SLC35A3: variants seen among roughly 807,000 people sequenced by gnomAD.
SLC35A3 encodes UDP-N-acetylglucosamine transporter.
A neutral mutation model predicts 39.0 loss-of-function variants in SLC35A3; 26 were observed. The observed-to-expected ratio is 0.67, with a 90% CI of 0.49 to 0.92. SLC35A3 has a LOEUF of 0.92. Among genes scored for constraint, SLC35A3 ranks in the 40% least tolerant of loss-of-function variants. The probability of loss-of-function intolerance (pLI) is 0.00; values close to 1 mark genes in which losing one functional copy is unlikely to be tolerated. For synonymous variants in SLC35A3, 135 were observed against 133.1 expected, an observed-to-expected ratio of 1.01 and a Z score of -0.10; for missense variants, 299 against 371.6, an observed-to-expected ratio of 0.80 and a Z score of 1.61.
In SLC35A3 at chr1:100,032,228, CAGG is replaced by C. The variant is rs980259471; in HGVS notation, c.*9755_*9757del. The C allele has an allele frequency of 2.0e-5, 3 of 152,108 alleles. No individual in the cohort carries two copies. Among genetic ancestry groups the C allele is most frequent in the African/African-American group, 7.2e-5 (3 of 41,490 alleles). 9.4% of individuals were successfully genotyped at this position (152,108 alleles called of 1,614,324 possible). A position where few individuals can be genotyped will look rare whatever the true frequency, so the allele number is the denominator to read the frequency against. On this transcript the variant is annotated 3_prime_UTR_variant, in exon 8 of 8. Coordinates refer to ENST00000533028, the MANE Select transcript of SLC35A3 (RefSeq NM_012243.3). The stretch of plus-strand genomic sequence containing the variant: ...AATCTATGGAGTAATGTTTTAGCAC[CAGG>C]AGAATATTCTGTTTCCCAATGCCTT...
At position 99,991,382 on chromosome 1, in the gene SLC35A3, G is replaced by T. The variant is rs202168886; in HGVS notation, c.-18-2155G>T. The stretch of plus-strand genomic sequence containing the variant: ...GCTGGTCTTGAACTCCTGACCTCGT[G>T]ATCTGCCTGCCTTGGCCTCCCAAAG... On this transcript the variant is annotated intron_variant, in intron 1 of 7. Transcript: ENST00000533028. Among the ~76,000 whole-genome samples the T allele has an allele frequency of 5.3e-5, 8 of 152,294 alleles. No individual in the cohort carries two copies. The East Asian group carries it at 9.7e-4, about 18-fold the overall frequency.
chr1:100,020,751 G>C (rs1465639709), intron 7 of SLC35A3, among the ~76,000 whole-genome samples: 1 of 152,090 alleles, frequency 6.6e-6, no homozygotes, highest in African/African-American at 2.4e-5. Context: ...TCTGCCTAGG[G>C]GAGTGAGTCT....
chr1:99,975,563 G>A (rs543896413), intron 1 of SLC35A3, among the ~76,000 whole-genome samples: 1 of 152,304 alleles, frequency 6.6e-6, no homozygotes, highest in East Asian at 1.9e-4. Flanking sequence ...GTTGAGTCCT[G>A]TAAGATATAT....
At chr1:100,011,226 T>C in intron 4 of SLC35A3, 139 bp from the exon 5 acceptor site, 1 of 413,412 alleles carries the variant, frequency 2.4e-6, no homozygotes. Flanking sequence ...TGTAAGGTTT[T>C]ATGTTAAAAG....
intron 3 of SLC35A3, among the ~76,000 whole-genome samples, chr1:100,003,378 T>C (rs1257771879): frequency 7.5e-6 from 1 of 132,934 alleles, no homozygotes; most frequent in Non-Finnish European, 1.5e-5. Context: ...ATCACACCAT[T>C]GCACTCCAGC....
Position 99,999,262 on chromosome 1 carries a change from A to G in SLC35A3, c.189A>G (p.Lys63=). The change falls in exon 3 of 8, where the codon AAA becomes AAG. Residue 63 remains lysine, a splice_region_variant and synonymous_variant. Transcript: ENST00000533028. ...ACILLVYKDS[K]CSLRALNRVL... is the part of the protein sequence containing the mutation. ...GATTTTTCTCATATTATTTTCTAGA[A>G]TGTAGTCTAAGAGCACTGAATCGAG... The G allele has an allele frequency of 6.6e-7, 1 of 1,513,198 alleles. No individual in the cohort carries two copies. The allele number at this position is 1,513,198 out of a possible 1,614,324, so 93.7% of individuals were successfully genotyped here. A position where few individuals can be genotyped will look rare whatever the true frequency, so the allele number is the denominator to read the frequency against.
intron 1 of SLC35A3, among the ~76,000 whole-genome samples, chr1:99,979,997 T>G (rs1657363955): frequency 6.6e-6 from 1 of 151,340 alleles, no homozygotes; most frequent in Non-Finnish European, 1.5e-5. Flanking sequence ...TGAGCCGAGA[T>G]CACACCATTG....
At chr1:100,013,355 G>GT (rs908665508) in intron 5 of SLC35A3, among the ~76,000 whole-genome samples, 5 of 149,484 alleles carry the variant, frequency 3.3e-5, no homozygotes, top group Non-Finnish European at 7.4e-5. Flanking sequence ...GCTCACGCCT[G>GT]TAATCCCAGC....
intron 7 of SLC35A3, among the ~76,000 whole-genome samples, chr1:100,018,203 A>G (rs758559611): frequency 6.6e-6 from 1 of 152,188 alleles, no homozygotes; most frequent in African/African-American, 2.4e-5. Flanking sequence ...AGGAAACTCA[A>G]TTAGGTGGTA....
At chr1:99,985,806 G>GTATTT (rs1280378227) in intron 1 of SLC35A3, among the ~76,000 whole-genome samples, 1 of 152,160 alleles carries the variant, frequency 6.6e-6, no homozygotes, top group Non-Finnish European at 1.5e-5. Flanking sequence ...GTATTCCTAA[G>GTATTT]TATTTTATTT....
At position 100,029,596 on chromosome 1, in the gene SLC35A3, A is replaced by G. The variant is rs999954822; in HGVS notation, c.*7120A>G. ...CTGGTGCTCACCACCACGCCCAACT[A>G]ATTTTTGTATTTTTGGTAGAGACGG... On this transcript the variant is annotated 3_prime_UTR_variant, in exon 8 of 8. Transcript: ENST00000533028. 2 of 151,840 alleles carry G rather than the reference A, an allele frequency of 1.3e-5. No homozygotes were observed. The highest frequency in any genetic ancestry group is 2.9e-5 in the Non-Finnish European group (2 of 68,002). 9.4% of individuals were successfully genotyped at this position (151,840 alleles called of 1,614,324 possible).
At chr1:99,986,583 T>G (rs560005325) in intron 1 of SLC35A3, among the ~76,000 whole-genome samples, 6 of 152,120 alleles carry the variant, frequency 3.9e-5, no homozygotes, top group African/African-American at 1.4e-4. Context: ...TATTTATTTA[T>G]TTATTTATTT....
In SLC35A3 at chr1:100,024,961, T is replaced by C. The variant is rs911767535; in HGVS notation, c.*2485T>C. 48 of 319,358 alleles carry C rather than the reference T, an allele frequency of 1.5e-4. 1 individual carries two copies. Among genetic ancestry groups the C allele is most frequent in the Middle Eastern group, 1.8e-3 (2 of 1,138 alleles). 19.8% of individuals were successfully genotyped at this position (319,358 alleles called of 1,614,324 possible). ...CAGTGTTACCTTGCTTTTGCAGTAA[T>C]AGTCTACAGATTGCAGGTCTCATCA... On this transcript the variant is annotated 3_prime_UTR_variant, in exon 8 of 8. Coordinates refer to ENST00000533028, the MANE Select transcript of SLC35A3 (RefSeq NM_012243.3).
At chr1:100,015,176 AAG>A (rs368221647) in intron 5 of SLC35A3, 124 bp from the exon 6 acceptor site, 4 of 977,914 alleles carry the variant, frequency 4.1e-6, no homozygotes, top group South Asian at 2.5e-5. Flanking sequence ...AAAAAAAAAA[AAG>A]AAAGTAATCT....
chr1:99,970,611 G>T (rs907319348), intron 1 of SLC35A3: 2 of 1,535,968 alleles, frequency 1.3e-6, no homozygotes, highest in African/African-American at 2.7e-5. Context: ...TCAAGAAGCC[G>T]CAGGAACTTA....
intron 7 of SLC35A3, among the ~76,000 whole-genome samples, chr1:100,020,327 G>A (rs1660448917): frequency 1.3e-5 from 2 of 152,100 alleles, no homozygotes; most frequent in African/African-American, 2.4e-5. Flanking sequence ...AAGGATTCCT[G>A]CAGTGGATAC....
intron 1 of SLC35A3, among the ~76,000 whole-genome samples, chr1:99,982,048 A>G (rs545082516): frequency 1.6e-4 from 22 of 138,562 alleles, no homozygotes; most frequent in African/African-American, 5.7e-4. Flanking sequence ...TGTGTTGCCC[A>G]GGCTGGAGTG....
At chr1:99,985,332 C>G (rs1459724336) in intron 1 of SLC35A3, among the ~76,000 whole-genome samples, 1 of 152,106 alleles carries the variant, frequency 6.6e-6, no homozygotes, top group Non-Finnish European at 1.5e-5. Context: ...TGTCCTTTCC[C>G]CACTCTATGT....
chr1:99,971,842 C>A (rs1322227023), intron 1 of SLC35A3, among the ~76,000 whole-genome samples: 3 of 152,180 alleles, frequency 2.0e-5, no homozygotes, highest in African/African-American at 7.2e-5. Flanking sequence ...AATGCCATCT[C>A]TTTCTTATGC....
Sources: allele counts gnomAD v4.1 joint callset (sites outside exome capture counted in the v4.1 genomes callset), GRCh38; gene constraint gnomAD v4.1.1; transcripts MANE v1.5; gene names NCBI Gene and HGNC (gene_info 2026-07-23, HGNC 2026-07-21).